The following GSE1 variants were observed in gnomAD, a reference collection of about 807,000 sequenced individuals.
The protein encoded by GSE1 is Gse1 coiled-coil protein.
In GSE1, 32 loss-of-function variants were observed where a neutral mutation model predicts 112.6. The observed-to-expected ratio is 0.28, with a 90% CI of 0.21 to 0.38. The LOEUF is 0.38. Among genes scored for constraint, GSE1 ranks in the 10% least tolerant of loss-of-function variants. The pLI is 1.00. For missense variants in GSE1, 2,348 were observed against 1,699.2 expected (o/e 1.38, Z -6.71); for synonymous variants, 1,115 against 735.6 (o/e 1.52, Z -8.35).
At chr16:85,514,418 C>T (rs895645980) in intron 2 of GSE1, among the ~76,000 whole-genome samples, 1 of 121,978 alleles carries the variant, frequency 8.2e-6, no homozygotes, top group South Asian at 3.2e-4. Flanking sequence ...TGCCCGCATG[C>T]TCTCGAGTCC....
intron 2 of GSE1, among the ~76,000 whole-genome samples, chr16:85,549,076 C>G (rs1270417073): frequency 6.6e-6 from 1 of 152,094 alleles, no homozygotes; most frequent in African/African-American, 2.4e-5. Flanking sequence ...CGTGAGCCAC[C>G]GCGCCCGGCC....
At chr16:85,478,725 T>C (rs2050540915) in intron 2 of GSE1, among the ~76,000 whole-genome samples, 2 of 149,884 alleles carry the variant, frequency 1.3e-5, no homozygotes, top group South Asian at 4.5e-4. Flanking sequence ...TGGAGTGCAG[T>C]GGCTCCATCT....
At chr16:85,602,224 G>C (rs561314695) in intron 1 of GSE1, among the ~76,000 whole-genome samples, 48 of 152,294 alleles carry the variant, frequency 3.2e-4, no homozygotes, top group African/African-American at 1.1e-3. Flanking sequence ...CGCCCAGGGG[G>C]TTGCCTGGAG....
intron 1 of GSE1, 93 bp from the exon 2 acceptor site, chr16:85,633,821 C>A (rs1222534800): frequency 4.3e-6 from 4 of 929,920 alleles, no homozygotes; most frequent in South Asian, 1.5e-5. Context: ...TGCTCCCTGC[C>A]TGCTGCTGCT....
intron 2 of GSE1, among the ~76,000 whole-genome samples, chr16:85,411,007 C>G (rs2048519774): frequency 1.3e-5 from 1 of 78,060 alleles, no homozygotes; most frequent in Admixed American, 1.3e-4. Context: ...CACTGTTACA[C>G]TCAGAGCCCC....
At chr16:85,496,427 A>G (rs1454160411) in intron 2 of GSE1, among the ~76,000 whole-genome samples, 2 of 152,204 alleles carry the variant, frequency 1.3e-5, no homozygotes, top group Non-Finnish European at 2.9e-5. Context: ...ACTGAGTGGA[A>G]GCTTCCAGAG....
intron 2 of GSE1, among the ~76,000 whole-genome samples, chr16:85,478,911 CTTTCTTTCTTTCTTTCT>C (rs2050572189): frequency 1.7e-5 from 1 of 58,612 alleles, no homozygotes; most frequent in Non-Finnish European, 3.2e-5. Flanking sequence ...TTCTTTCTTT[CTTTCTTTCTTTCTTTCT>C]CTTTCTTTCT....
At chr16:85,220,179 G>A (rs186978353) in intron 1 of GSE1, among the ~76,000 whole-genome samples, 6 of 152,358 alleles carry the variant, frequency 3.9e-5, no homozygotes, top group Admixed American at 3.3e-4. Context: ...GCCAGAAGCA[G>A]CTCGGCGTTA....
chr16:85,655,020 CT>C, intron 5 of GSE1, 29 bp downstream of exon 5: 1 of 1,398,724 alleles, frequency 7.1e-7, no homozygotes, highest in Non-Finnish European at 9.9e-7. Flanking sequence ...GCCCTCTCGT[CT>C]AGGTGCTGGC....
intron 1 of GSE1, among the ~76,000 whole-genome samples, chr16:85,327,184 C>G (rs2046243828): frequency 6.6e-6 from 1 of 152,198 alleles, no homozygotes; most frequent in Non-Finnish European, 1.5e-5. Context: ...AAAGAAAGAG[C>G]TGGATTACTT....
chr16:85,549,173 C>T (rs2044814931), intron 2 of GSE1, among the ~76,000 whole-genome samples: 1 of 150,944 alleles, frequency 6.6e-6, no homozygotes, highest in Non-Finnish European at 1.5e-5. Context: ...TTTTCTTTTT[C>T]TCTTCTTTTT....
chr16:85,429,727 C>G (rs79391273), intron 2 of GSE1, among the ~76,000 whole-genome samples: 2,138 of 152,352 alleles, frequency 0.014, 48 homozygotes, highest in East Asian at 0.11. Flanking sequence ...TTCCCTCTGC[C>G]TGGAACGCTG....
chr16:85,614,960 A>AGGC (rs1259843109), intron 1 of GSE1, among the ~76,000 whole-genome samples: 2 of 152,120 alleles, frequency 1.3e-5, no homozygotes, highest in Admixed American at 1.3e-4. Flanking sequence ...GGGCAGAGAG[A>AGGC]AGGTCTTGGT....
chr16:85,547,854 G>T (rs2044753819), intron 2 of GSE1, among the ~76,000 whole-genome samples: 1 of 146,820 alleles, frequency 6.8e-6, no homozygotes, highest in African/African-American at 2.5e-5. Context: ...ACTCCAGCCT[G>T]GGTGACAGAA....
At chr16:85,294,620 TC>T (rs2045311873) in intron 1 of GSE1, among the ~76,000 whole-genome samples, 1 of 34,504 alleles carries the variant, frequency 2.9e-5, no homozygotes, top group East Asian at 6.1e-4. Context: ...CCTCTCACTC[TC>T]TCTCTCTCTC....
chr16:85,236,846 G>A (rs1037001621), intron 1 of GSE1, among the ~76,000 whole-genome samples: 3 of 151,890 alleles, frequency 2.0e-5, no homozygotes, highest in Non-Finnish European at 4.4e-5. Context: ...GGGACCTTGG[G>A]ACCTCTGCCT....
At chr16:85,476,241 G>C (rs1218634721) in intron 2 of GSE1, among the ~76,000 whole-genome samples, 1 of 152,182 alleles carries the variant, frequency 6.6e-6, no homozygotes, top group Non-Finnish European at 1.5e-5. Flanking sequence ...CTTTTGTTGA[G>C]GCCTGCGGGC....
chr16:85,277,797 G>C (rs995141399), intron 1 of GSE1, among the ~76,000 whole-genome samples: 1 of 152,228 alleles, frequency 6.6e-6, no homozygotes, highest in African/African-American at 2.4e-5. Flanking sequence ...GTCTGGGCCA[G>C]CCCTCAGCCT....
At position 85,195,930 on chromosome 16, in the gene GSE1, C is replaced by T. The variant is rs78286898; in HGVS notation, c.2283+24123C>T. Among the ~76,000 whole-genome samples, 87 of 152,278 alleles carry T rather than the reference C, an allele frequency of 5.7e-4. 1 individual carries two copies. Among genetic ancestry groups the T allele is most frequent in the African/African-American group, 1.9e-3 (80 of 41,562 alleles). On this transcript the variant is annotated intron_variant, in intron 1 of 2. Transcript: ENST00000637419. ...GATACCTTTGGGGCCAGATATGTCT[C>T]GGAAGTCAGGATTTTTCAGAACCTC... is the stretch of plus-strand genomic sequence containing the variant.
Sources: allele counts gnomAD v4.1 joint callset (sites outside exome capture counted in the v4.1 genomes callset), GRCh38; gene constraint gnomAD v4.1.1; transcripts MANE v1.5; gene names NCBI Gene and HGNC (gene_info 2026-07-23, HGNC 2026-07-21).